FLYWCH1: variants seen among roughly 807,000 people sequenced by gnomAD.
FLYWCH1 encodes the protein FLYWCH-type zinc finger 1.
A neutral mutation model predicts 66.4 loss-of-function variants in FLYWCH1; 75 were observed. That is an observed-to-expected ratio of 1.13 (90% CI 0.94 to 1.37). The LOEUF (loss-of-function observed/expected upper bound fraction) is 1.37, where lower values mean the gene tolerates loss of function less well. Among genes scored for constraint, FLYWCH1 ranks in the 40% most tolerant of loss-of-function variants. FLYWCH1 has a pLI of 0.00. For missense variants in FLYWCH1, 1,334 were observed against 1,001.8 expected, an observed-to-expected ratio of 1.33 and a Z score of -4.48; for synonymous variants, 595 against 429.9, an observed-to-expected ratio of 1.38 and a Z score of -4.75.
intron 2 of FLYWCH1, among the ~76,000 whole-genome samples, chr16:2,925,612 T>G (rs2070538416): frequency 6.6e-6 from 1 of 150,714 alleles, no homozygotes; most frequent in East Asian, 2.0e-4. Flanking sequence ...CCCTAACCTT[T>G]TCCTGCCTGG....
intron 2 of FLYWCH1, chr16:2,922,863 T>G: frequency 1.9e-6 from 1 of 524,604 alleles, no homozygotes; most frequent in Non-Finnish European, 3.8e-6. Flanking sequence ...TCTGTCTTCT[T>G]CATGGCAGAC....
chr16:2,945,866 A>C (rs184252852), intron 9 of FLYWCH1, among the ~76,000 whole-genome samples: 2 of 151,678 alleles, frequency 1.3e-5, no homozygotes, highest in South Asian at 2.1e-4. Context: ...GCGTGGTGGC[A>C]GGTGCCTGTA....
Position 2,937,144 on chromosome 16 carries a change from C to G in FLYWCH1, c.1537C>G (p.Pro513Ala). ...AGGAGGCCCCGAGTTCCTGAAGACG[C>G]CCCTGGGGGGCAGCTTCCTGGTGTA... Reference protein sequence around the residue: ...SPGGPEFLKTPLGGSFLVYES... With the variant: ...SPGGPEFLKTALGGSFLVYES... Residue 513 changes from proline to alanine, a missense_variant, in exon 7 of 10, where the codon CCC becomes GCC. Coordinates refer to ENST00000253928, the MANE Select transcript of FLYWCH1 (RefSeq NM_001308068.2). 2 of 1,608,630 alleles carry G rather than the reference C, an allele frequency of 1.2e-6. No individual in the cohort carries two copies. Among genetic ancestry groups the G allele is most frequent in the Non-Finnish European group, 1.7e-6 (2 of 1,178,224 alleles).
At chr16:2,923,071 ATT>A in intron 2 of FLYWCH1, 1 of 407,404 alleles carries the variant, frequency 2.5e-6, no homozygotes, top group Non-Finnish European at 4.7e-6. Context: ...GTGCGGATCT[ATT>A]TTTTTTATAG....
intron 2 of FLYWCH1, among the ~76,000 whole-genome samples, chr16:2,926,264 A>C (rs1244924601): frequency 1.3e-5 from 2 of 152,210 alleles, no homozygotes; most frequent in Non-Finnish European, 2.9e-5. Flanking sequence ...ATTGGGAAAA[A>C]ATTGGCAAAG....
intron 2 of FLYWCH1, among the ~76,000 whole-genome samples, chr16:2,918,855 G>A (rs1278491989): frequency 1.3e-5 from 2 of 152,248 alleles, no homozygotes; most frequent in African/African-American, 2.4e-5. Context: ...CTAGAACGTA[G>A]TGTCTTGTCC....
intron 2 of FLYWCH1, among the ~76,000 whole-genome samples, chr16:2,927,403 T>C (rs1378032186): frequency 6.6e-6 from 1 of 152,072 alleles, no homozygotes; most frequent in Admixed American, 6.6e-5. Flanking sequence ...ACCATGAAAA[T>C]GTTAAAAGAC....
Position 2,949,859 on chromosome 16 carries a change from G to T in FLYWCH1, c.*1132G>T. The T allele has an allele frequency of 6.6e-6, 1 of 152,180 alleles. No individual in the cohort carries two copies. 9.4% of individuals were successfully genotyped at this position (152,180 alleles called of 1,614,324 possible). On this transcript the variant is annotated 3_prime_UTR_variant, in exon 10 of 10. Coordinates refer to ENST00000253928, the MANE Select transcript of FLYWCH1 (RefSeq NM_001308068.2). ...TCACATCCCTCTTGCAGCAACAGTT[G>T]GCCGCCGTGAAACCACACTCCGTCA...
At chr16:2,948,203 GGT>G (rs1357998755) in intron 9 of FLYWCH1, among the ~76,000 whole-genome samples, 3 of 152,086 alleles carry the variant, frequency 2.0e-5, no homozygotes, top group Admixed American at 2.0e-4. Context: ...GAATTCCCCA[GGT>G]GTGTGTCACG....
intron 2 of FLYWCH1, among the ~76,000 whole-genome samples, chr16:2,924,421 T>C (rs1357763313): frequency 2.0e-5 from 3 of 152,152 alleles, no homozygotes; most frequent in African/African-American, 7.2e-5. Flanking sequence ...ACCCATGATC[T>C]TACTGGCTTG....
intron 2 of FLYWCH1, among the ~76,000 whole-genome samples, chr16:2,923,822 G>GA: frequency 6.6e-6 from 1 of 152,002 alleles, no homozygotes; most frequent in Non-Finnish European, 1.5e-5. Context: ...TGGATCACTT[G>GA]AGGTCACGAG....
At chr16:2,944,049 T>G (rs1256350405) in intron 9 of FLYWCH1, among the ~76,000 whole-genome samples, 1 of 151,866 alleles carries the variant, frequency 6.6e-6, no homozygotes, top group South Asian at 2.1e-4. Context: ...TGAGCTGTGA[T>G]CATGCATCTA....
At chr16:2,940,862 GCAGA>G (rs2071232236) in intron 9 of FLYWCH1, among the ~76,000 whole-genome samples, 2 of 28,770 alleles carry the variant, frequency 7.0e-5, no homozygotes, top group African/African-American at 3.1e-4. Flanking sequence ...GCCAAGGCAG[GCAGA>G]TCATTTGTAA....
chr16:2,938,599 C>T, intron 8 of FLYWCH1, 143 bp downstream of exon 8: 1 of 653,612 alleles, frequency 1.5e-6, no homozygotes, highest in Non-Finnish European at 2.2e-6. Context: ...AATGTGAAAC[C>T]AGTCTTTGTT....
chr16:2,949,315 C>G lies in FLYWCH1; in HGVS notation c.*588C>G, dbSNP rs751785168. The G allele has an allele frequency of 6.5e-6, 1 of 152,964 alleles. No homozygotes were observed. The highest frequency in any genetic ancestry group is 6.5e-5 in the Admixed American group (1 of 15,360). 9.5% of individuals were successfully genotyped at this position (152,964 alleles called of 1,614,324 possible). A position where few individuals can be genotyped will look rare whatever the true frequency, so the allele number is the denominator to read the frequency against. On this transcript the variant is annotated 3_prime_UTR_variant, in exon 10 of 10. Coordinates refer to ENST00000253928, the MANE Select transcript of FLYWCH1 (RefSeq NM_001308068.2). ...CCGGAGCTGGCCAAACCAGAGGCCTCGCTCCGCACTCCACACTTTCCTTTC... is the reference window on the plus strand; with the variant it reads ...CCGGAGCTGGCCAAACCAGAGGCCTGGCTCCGCACTCCACACTTTCCTTTC...
At chr16:2,922,904 T>C (rs1596360317) in intron 2 of FLYWCH1, 2 of 523,366 alleles carry the variant, frequency 3.8e-6, no homozygotes, top group Non-Finnish European at 7.6e-6. Context: ...GATGATCGCA[T>C]AGTGGTCAAG....
chr16:2,921,908 C>G (rs981086143), intron 2 of FLYWCH1, among the ~76,000 whole-genome samples: 1 of 151,898 alleles, frequency 6.6e-6, no homozygotes, highest in African/African-American at 2.4e-5. Flanking sequence ...CTAAAAAATA[C>G]AAAAATTTGC....
chr16:2,930,406 C>T lies in FLYWCH1; in HGVS notation c.326-4C>T, dbSNP rs2070718677. On this transcript the variant is annotated splice_polypyrimidine_tract_variant and splice_region_variant and intron_variant, in intron 3 of 9. Transcript: ENST00000253928. The stretch of plus-strand genomic sequence containing the variant: ...TAGCTAACCTAGCCTTCCCGTTCCC[C>T]CAGCAGCCCCTCAGTCCCTGGAGTT... The T allele has an allele frequency of 8.3e-6, 12 of 1,447,228 alleles. No homozygotes were observed. The East Asian group carries it at 3.1e-4, about 37-fold the overall frequency. 89.6% of individuals were successfully genotyped at this position (1,447,228 alleles called of 1,614,324 possible).
chr16:2,940,146 G>T, intron 9 of FLYWCH1, 54 bp downstream of exon 9: 4 of 844,072 alleles, frequency 4.7e-6, no homozygotes, highest in South Asian at 2.9e-5. Flanking sequence ...AAACGTAGTG[G>T]GCTTAAAACA....
Sources: allele counts gnomAD v4.1 joint callset (sites outside exome capture counted in the v4.1 genomes callset), GRCh38; gene constraint gnomAD v4.1.1; transcripts MANE v1.5; gene names NCBI Gene and HGNC (gene_info 2026-07-23, HGNC 2026-07-21).